Variants in AKAP6 observed in about 807,000 individuals in gnomAD.
AKAP6 encodes A-kinase anchoring protein 6, also known as A-kinase anchor protein 6.
A neutral mutation model predicts 188.5 loss-of-function variants in AKAP6; 58 were observed. The ratio of observed to expected loss-of-function variants is 0.31; its 90% confidence interval spans 0.25 to 0.38. AKAP6 has a LOEUF of 0.38. AKAP6 is among the 10% of genes least tolerant of loss of function. The probability of loss-of-function intolerance (pLI) is 1.00; values close to 1 mark genes in which losing one functional copy is unlikely to be tolerated. For missense variants in AKAP6, 2,710 were observed against 2,740.0 expected (o/e 0.99, Z 0.24); for synonymous variants, 989 against 998.6 (o/e 0.99, Z 0.18).
intron 12 of AKAP6, among the ~76,000 whole-genome samples, chr14:32,785,651 T>A (rs1282319635): frequency 2.0e-5 from 3 of 152,170 alleles, no homozygotes; most frequent in Admixed American, 2.0e-4. Context: ...AATATAAGGC[T>A]CTTTGAGTGT....
At chr14:32,742,510 C>T (rs1490868685) in intron 11 of AKAP6, among the ~76,000 whole-genome samples, 1 of 151,834 alleles carries the variant, frequency 6.6e-6, no homozygotes, top group East Asian at 1.9e-4. Context: ...CTTATAACTA[C>T]AAAATTCCCT....
chr14:32,706,375 C>G (rs1955509), intron 9 of AKAP6, among the ~76,000 whole-genome samples: 71,617 of 151,834 alleles, frequency 0.47, 17,600 homozygotes, highest in East Asian at 0.74. Context: ...ATACCCTGGG[C>G]AAGTATTGCC....
chr14:32,596,191 T>A (rs1885696059), intron 5 of AKAP6, among the ~76,000 whole-genome samples: 1 of 152,174 alleles, frequency 6.6e-6, no homozygotes. Flanking sequence ...TCTTTCCCAC[T>A]TTTTCTTGTA....
intron 12 of AKAP6, among the ~76,000 whole-genome samples, chr14:32,798,801 C>A (rs1190924608): frequency 6.6e-6 from 1 of 152,036 alleles, no homozygotes; most frequent in Non-Finnish European, 1.5e-5. Context: ...ACAAAATAAT[C>A]TGTACACCAA....
chr14:32,350,231 T>C (rs762867573), intron 1 of AKAP6, among the ~76,000 whole-genome samples: 1 of 152,116 alleles, frequency 6.6e-6, no homozygotes, highest in Non-Finnish European at 1.5e-5. Context: ...CCTAACCAAG[T>C]GATGAAGGTT....
chr14:32,712,901 C>T (rs2029973630), intron 9 of AKAP6, among the ~76,000 whole-genome samples: 1 of 152,054 alleles, frequency 6.6e-6, no homozygotes, highest in African/African-American at 2.4e-5. Context: ...TTGTTAATGG[C>T]ATCTAGAATG....
chr14:32,762,911 C>T (rs546653675), intron 11 of AKAP6, among the ~76,000 whole-genome samples: 2 of 152,130 alleles, frequency 1.3e-5, no homozygotes, highest in East Asian at 1.9e-4. Flanking sequence ...ATTGCGGTAA[C>T]TTTAGACCTC....
intron 1 of AKAP6, among the ~76,000 whole-genome samples, chr14:32,352,164 C>T (rs1033595636): frequency 1.3e-5 from 2 of 150,058 alleles, no homozygotes; most frequent in Admixed American, 1.3e-4. Context: ...GCCCTTTCTC[C>T]TATCATAGCC....
intron 3 of AKAP6, among the ~76,000 whole-genome samples, chr14:32,537,460 A>T (rs945023951): frequency 1.3e-5 from 2 of 152,186 alleles, no homozygotes; most frequent in Admixed American, 6.5e-5. Flanking sequence ...CCTTGATAGA[A>T]TGTGCTAATG....
At chr14:32,519,102 G>T (rs548441081) in intron 2 of AKAP6, among the ~76,000 whole-genome samples, 190 of 152,228 alleles carry the variant, frequency 1.2e-3, no homozygotes, top group Non-Finnish European at 2.2e-3. Flanking sequence ...CTAAGCTTCA[G>T]AAGTGAAGGA....
chr14:32,483,001 A>ATG (rs1172945025), intron 2 of AKAP6, among the ~76,000 whole-genome samples: 1 of 68,834 alleles, frequency 1.5e-5, no homozygotes, highest in African/African-American at 4.3e-5. Flanking sequence ...ATATATATAT[A>ATG]TATATATATA....
chr14:32,823,182 C>T lies in AKAP6; in HGVS notation c.5369C>T (p.Thr1790Ile). ...ATDDEIYEDCTLMSGLDYIKN... is the reference protein window; with the variant it reads ...ATDDEIYEDCILMSGLDYIKN... ...GATGATGAAATTTATGAAGACTGCA[C>T]CTTGATGTCAGGGCTAGACTACATA... Residue 1790 changes from threonine (T) to isoleucine (I), a missense_variant, in exon 13 of 14, where the codon ACC becomes ATC. Physicochemically the swap from Thr to Ile is moderately conservative, Grantham distance 89. Transcript: ENST00000280979. The T allele has an allele frequency of 6.2e-7, 1 of 1,613,704 alleles. No homozygotes were observed. The highest frequency in any genetic ancestry group is 8.5e-7 in the Non-Finnish European group (1 of 1,179,878).
At chr14:32,671,223 G>T (rs558631261) in intron 7 of AKAP6, among the ~76,000 whole-genome samples, 1 of 152,080 alleles carries the variant, frequency 6.6e-6, no homozygotes, top group East Asian at 1.9e-4. Flanking sequence ...CTGAGCTGTC[G>T]TGCAAACACA....
intron 9 of AKAP6, among the ~76,000 whole-genome samples, chr14:32,712,742 T>G (rs2029959634): frequency 1.3e-5 from 2 of 152,112 alleles, no homozygotes; most frequent in Non-Finnish European, 1.5e-5. Flanking sequence ...CTACCTCCAA[T>G]TCTAGTTCTC....
At chr14:32,510,382 A>G (rs866428712) in intron 2 of AKAP6, among the ~76,000 whole-genome samples, 5 of 109,678 alleles carry the variant, frequency 4.6e-5, no homozygotes, top group Non-Finnish European at 9.0e-5. Flanking sequence ...ATATATGTGT[A>G]TATATATATG....
intron 12 of AKAP6, among the ~76,000 whole-genome samples, chr14:32,815,015 C>A (rs928864335): frequency 2.0e-5 from 3 of 152,208 alleles, no homozygotes; most frequent in Admixed American, 1.3e-4. Flanking sequence ...GGGAAGAAAA[C>A]CCCTGCTTCC....
intron 9 of AKAP6, among the ~76,000 whole-genome samples, chr14:32,727,655 C>T (rs766840361): frequency 2.6e-5 from 4 of 152,214 alleles, no homozygotes; most frequent in Admixed American, 6.5e-5. Context: ...ATTTGCTGTG[C>T]GAGTTCTGGC....
intron 2 of AKAP6, among the ~76,000 whole-genome samples, chr14:32,449,963 TAGTC>T (rs1287717341): frequency 6.6e-6 from 1 of 152,200 alleles, no homozygotes; most frequent in African/African-American, 2.4e-5. Flanking sequence ...AAATTAGTGA[TAGTC>T]AGTTGTCATG....
intron 1 of AKAP6, among the ~76,000 whole-genome samples, chr14:32,390,919 G>T (rs762580177): frequency 6.6e-6 from 1 of 152,036 alleles, no homozygotes; most frequent in East Asian, 1.9e-4. Context: ...CCTCCTGTCC[G>T]CCATGATCCC....
Sources: allele counts gnomAD v4.1 joint callset (sites outside exome capture counted in the v4.1 genomes callset), GRCh38; gene constraint gnomAD v4.1.1; transcripts MANE v1.5; gene names NCBI Gene and HGNC (gene_info 2026-07-23, HGNC 2026-07-21).